RFPL4A: variants seen among roughly 807,000 people sequenced by gnomAD.
RFPL4A encodes ret finger protein like 4A.
RFPL4A carries 4 observed loss-of-function variants against 8.3 expected under a neutral mutation model. The ratio of observed to expected loss-of-function variants is 0.48; its 90% CI spans 0.24 to 1.10. RFPL4A has a LOEUF of 1.10. Ranked by LOEUF, RFPL4A falls within the 50% of genes least tolerant of loss-of-function variation. The pLI is 0.18. For synonymous variants in RFPL4A, 43 were observed against 136.6 expected, an observed-to-expected ratio of 0.31 and a Z score of 4.78; for missense variants, 111 against 358.7, an observed-to-expected ratio of 0.31 and a Z score of 5.58.
At chr19:55,758,702 C>T (rs1415646142), upstream of RFPL4A, among the ~76,000 whole-genome samples, 7 of 151,334 alleles carry the variant, frequency 4.6e-5, no homozygotes, top group South Asian at 1.5e-3. Context: ...CTATTAGTAA[C>T]GACTTCTGAG....
chr19:55,758,311 GATTAA>G (rs1989212855), upstream of RFPL4A, among the ~76,000 whole-genome samples: 1 of 152,300 alleles, frequency 6.6e-6, no homozygotes, highest in East Asian at 1.9e-4. Context: ...CTGTGGAGAT[GATTAA>G]ATTAAAGACT....
chr19:55,759,684 T>C (rs1216360120), intron 1 of RFPL4A, among the ~76,000 whole-genome samples: 1 of 151,504 alleles, frequency 6.6e-6, no homozygotes, highest in East Asian at 2.0e-4. Context: ...AGGATGGGGA[T>C]TCATTATTTC....
chr19:55,760,462 T>C (rs553496159), intron 1 of RFPL4A, among the ~76,000 whole-genome samples: 2 of 151,688 alleles, frequency 1.3e-5, no homozygotes, highest in South Asian at 4.2e-4. Context: ...GCTGGTGGCT[T>C]TCGATGGCCT....
At position 55,759,129 on chromosome 19, in the gene RFPL4A, G is replaced by C. The variant is rs918923455; in HGVS notation, c.-56G>C. The C allele has an allele frequency of 6.7e-6, 1 of 150,284 alleles. No individual in the cohort carries two copies. Among genetic ancestry groups the C allele is most frequent in the African/African-American group, 2.5e-5 (1 of 40,416 alleles). 9.3% of individuals were successfully genotyped at this position (150,284 alleles called of 1,614,324 possible). Reference sequence around the variant, plus strand: ...GCAGCTCTCACTCCAGATCTGAGCTGTCCGCAGAAGCAGCTGGAGGCCAGG... The same window carrying C: ...GCAGCTCTCACTCCAGATCTGAGCTCTCCGCAGAAGCAGCTGGAGGCCAGG... On this transcript the variant is annotated 5_prime_UTR_variant, in exon 1 of 3. Transcript: ENST00000434937.
chr19:55,759,398 G>A (rs2927547), intron 1 of RFPL4A, among the ~76,000 whole-genome samples: 224 of 151,772 alleles, frequency 1.5e-3, no homozygotes, highest in Non-Finnish European at 2.5e-3. Context: ...CTTGAATTTC[G>A]TGAGAATTTG....
rs1465798796 is a variant in RFPL4A at position 55,761,753 on chromosome 19, C to T, written c.-9-39C>T. Reference sequence around the variant, plus strand: ...AACACTATCAGCTGTTCATTCAGCTCGTGGAAATTCTAATTCTGTGTTCAT... The same window carrying T: ...AACACTATCAGCTGTTCATTCAGCTTGTGGAAATTCTAATTCTGTGTTCAT... On this transcript the variant is annotated intron_variant, in intron 1 of 2. Coordinates refer to ENST00000434937, the MANE Select transcript of RFPL4A (RefSeq NM_001145014.2). The T allele has an allele frequency of 2.2e-5, 31 of 1,412,802 alleles. 1 individual carries two copies. Among genetic ancestry groups the T allele is most frequent in the South Asian group, 1.4e-4 (11 of 80,596 alleles). The allele number at this position is 1,412,802 out of a possible 1,614,324, so 87.5% of individuals were successfully genotyped here.
At chr19:55,760,964 G>A (rs1180839315) in intron 1 of RFPL4A, among the ~76,000 whole-genome samples, 1 of 149,294 alleles carries the variant, frequency 6.7e-6, no homozygotes, top group Non-Finnish European at 1.5e-5. Context: ...TTGGAATTTG[G>A]ATTATTTTGG....
rs1299967212 is a variant in RFPL4A at position 55,761,385 on chromosome 19, C to G, written c.-9-407C>G. The stretch of plus-strand genomic sequence containing the variant: ...ACATGTGAGCAACTTTAAACGTTCT[C>G]AAGCAGATAGTTTACGTTCTCTTTT... On this transcript the variant is annotated intron_variant, in intron 1 of 2. Coordinates refer to ENST00000434937, the MANE Select transcript of RFPL4A (RefSeq NM_001145014.2). 3.6e-5 allele frequency among the ~76,000 whole-genome samples: 5 copies of G among 137,508 alleles called. 2 individuals carry two copies. Among genetic ancestry groups the G allele is most frequent in the Non-Finnish European group, 8.2e-5 (5 of 61,130 alleles). 90.2% of individuals were successfully genotyped at this position (137,508 alleles called of 152,430 possible). A position where few individuals can be genotyped will look rare whatever the true frequency, so the allele number is the denominator to read the frequency against.
chr19:55,761,099 T>TTTTTTTC (rs1989272625), intron 1 of RFPL4A, among the ~76,000 whole-genome samples: 1 of 138,998 alleles, frequency 7.2e-6, no homozygotes, highest in African/African-American at 2.6e-5. Flanking sequence ...TTTTTTTTTT[T>TTTTTTTC]TCCGCTATGC....
At position 55,761,568 on chromosome 19, in the gene RFPL4A, C is replaced by T. The variant is rs561907027; in HGVS notation, c.-9-224C>T. Among the ~76,000 whole-genome samples the T allele has an allele frequency of 8.0e-4, 118 of 147,212 alleles. 5 individuals carry two copies. Among genetic ancestry groups the T allele is most frequent in the African/African-American group, 3.0e-3 (115 of 38,290 alleles). ...TTTACTATTTCAACTCAAAGTCTTT[C>T]GGTGAATCATGCCCTTTATTCCAAT... is the stretch of plus-strand genomic sequence containing the variant. On this transcript the variant is annotated intron_variant, in intron 1 of 2. Transcript: ENST00000434937.
chr19:55,762,346 T>G (rs1989303026), intron 2 of RFPL4A, among the ~76,000 whole-genome samples: 1 of 150,798 alleles, frequency 6.6e-6, no homozygotes, highest in Non-Finnish European at 1.5e-5. Context: ...CATCAAATTA[T>G]CCACTAACTT....
chr19:55,757,565 T>C (rs139577209), upstream of RFPL4A, among the ~76,000 whole-genome samples: 27 of 151,986 alleles, frequency 1.8e-4, no homozygotes, highest in East Asian at 5.0e-3. Flanking sequence ...AGTACTGAAC[T>C]GTACATGAGA....
rs1989297753 is a variant in RFPL4A, at chr19:55,762,091, G to A, written c.286+5G>A. On this transcript the variant is annotated splice_donor_5th_base_variant and intron_variant, in intron 2 of 2. Transcript: ENST00000434937. Reference sequence around the variant, plus strand: ...CAAGGATGAGGAAGTTTCAAGGTAAGGAATCTATAGGACCTGCCACAACCC... The same window carrying A: ...CAAGGATGAGGAAGTTTCAAGGTAAAGAATCTATAGGACCTGCCACAACCC... 2 of 1,501,116 alleles carry A rather than the reference G, an allele frequency of 1.3e-6. No individual in the cohort carries two copies. The highest frequency in any genetic ancestry group is 2.5e-5 in the South Asian group (2 of 79,324). The allele number at this position is 1,501,116 out of a possible 1,614,324, so 93.0% of individuals were successfully genotyped here. A position where few individuals can be genotyped will look rare whatever the true frequency, so the allele number is the denominator to read the frequency against.
At chr19:55,757,933 C>T (rs1378447558), upstream of RFPL4A, among the ~76,000 whole-genome samples, 1 of 152,212 alleles carries the variant, frequency 6.6e-6, no homozygotes, top group Non-Finnish European at 1.5e-5. Flanking sequence ...GGGATCAGTG[C>T]TCCAGGAACA....
intron 1 of RFPL4A, 80 bp from the exon 2 acceptor site, chr19:55,761,712 A>G (rs1480104441): frequency 1.2e-5 from 17 of 1,457,528 alleles, no homozygotes; most frequent in African/African-American, 4.7e-5. Context: ...CCATGCATGT[A>G]AAGATAAAAG....
At chr19:55,759,960 C>A (rs1989249210) in intron 1 of RFPL4A, among the ~76,000 whole-genome samples, 1 of 151,716 alleles carries the variant, frequency 6.6e-6, no homozygotes, top group South Asian at 2.1e-4. Flanking sequence ...CTCATAGACT[C>A]TGGGGTTGTT....
At chr19:55,757,366 A>G (rs971434640), upstream of RFPL4A, among the ~76,000 whole-genome samples, 3 of 152,048 alleles carry the variant, frequency 2.0e-5, no homozygotes, top group Non-Finnish European at 4.4e-5. Context: ...CAGAACTTAA[A>G]GTATAATTAA....
At chr19:55,761,636 C>T (rs71368867) in intron 1 of RFPL4A, among the ~76,000 whole-genome samples, 156 bp from the exon 2 acceptor site, 811 of 148,812 alleles carry the variant, frequency 5.4e-3, no homozygotes, top group Non-Finnish European at 9.1e-3. Context: ...GAGTCATTGA[C>T]ATTTGTATTC....
intron 1 of RFPL4A, 106 bp from the exon 2 acceptor site, chr19:55,761,686 T>C (rs1989285042): frequency 6.8e-7 from 1 of 1,481,048 alleles, no homozygotes; most frequent in African/African-American, 1.5e-5. Context: ...ATTTTAAGTG[T>C]CGTGCTATGA....
Sources: allele counts gnomAD v4.1 joint callset (sites outside exome capture counted in the v4.1 genomes callset), GRCh38; gene constraint gnomAD v4.1.1; transcripts MANE v1.5; gene names NCBI Gene and HGNC (gene_info 2026-07-23, HGNC 2026-07-21).